The following VWA3B variants were observed in gnomAD, a reference collection of about 807,000 sequenced individuals.
VWA3B encodes the protein von Willebrand factor A domain-containing protein 3B.
VWA3B carries 138 observed loss-of-function variants against 158.3 expected under a neutral mutation model. The ratio of observed to expected loss-of-function variants is 0.87; its 90% CI spans 0.76 to 1.00. The LOEUF (loss-of-function observed/expected upper bound fraction) is 1.00, where lower values mean the gene tolerates loss of function less well. Among genes scored for constraint, VWA3B ranks in the 50% least tolerant of loss-of-function variants. VWA3B has a pLI of 0.00. For synonymous variants in VWA3B, 596 were observed against 587.3 expected (o/e 1.01, Z -0.21); for missense variants, 1,555 against 1,565.1 (o/e 0.99, Z 0.11).
At chr2:98,235,561 G>C (rs1277490627) in intron 17 of VWA3B, among the ~76,000 whole-genome samples, 3 of 152,054 alleles carry the variant, frequency 2.0e-5, no homozygotes, top group Admixed American at 1.3e-4. Context: ...GAGTAGCTGG[G>C]ATTACAGGCA....
At chr2:98,183,940 C>T (rs1051758189) in intron 9 of VWA3B, among the ~76,000 whole-genome samples, 4 of 152,210 alleles carry the variant, frequency 2.6e-5, no homozygotes, top group Non-Finnish European at 5.9e-5. Context: ...GCACTACAAA[C>T]ATTGTGAGTC....
chr2:98,122,568 C>G (rs1013799975), intron 5 of VWA3B, among the ~76,000 whole-genome samples: 1 of 152,172 alleles, frequency 6.6e-6, no homozygotes, highest in African/African-American at 2.4e-5. Context: ...GTTTTAACAT[C>G]TGTAAAATTT....
intron 7 of VWA3B, among the ~76,000 whole-genome samples, chr2:98,149,946 C>G (rs1328285322): frequency 1.3e-5 from 2 of 152,162 alleles, no homozygotes; most frequent in African/African-American, 4.8e-5. Context: ...ATGTTTGATA[C>G]TCATTGGTAA....
chr2:98,303,328 T>C (rs960848382), intron 25 of VWA3B, among the ~76,000 whole-genome samples: 1 of 151,916 alleles, frequency 6.6e-6, no homozygotes, highest in Non-Finnish European at 1.5e-5. Context: ...TGATAGGGAC[T>C]TGGGGAGACC....
chr2:98,177,083 G>A (rs1047843784), intron 8 of VWA3B, among the ~76,000 whole-genome samples: 1 of 152,200 alleles, frequency 6.6e-6, no homozygotes, highest in African/African-American at 2.4e-5. Flanking sequence ...TGAACCTGGA[G>A]GGTGGGTGGA....
chr2:98,130,225 T>C (rs1447119391), intron 6 of VWA3B, among the ~76,000 whole-genome samples: 3 of 152,230 alleles, frequency 2.0e-5, no homozygotes, highest in Admixed American at 6.5e-5. Context: ...AGAGCAGTAT[T>C]GCTGCCAGCT....
rs147604170 is a variant in VWA3B, at chr2:98,278,550, A to AGCTAGAAAGGGGATGGAGT, written c.3045+7669_3045+7687dup. 6.7e-3 allele frequency among the ~76,000 whole-genome samples: 1,019 copies of AGCTAGAAAGGGGATGGAGT among 152,202 alleles called. 8 individuals are homozygous for AGCTAGAAAGGGGATGGAGT. Among genetic ancestry groups the AGCTAGAAAGGGGATGGAGT allele is most frequent in the African/African-American group, 0.023 (943 of 41,496 alleles). On this transcript the variant is annotated intron_variant, in intron 22 of 27. Coordinates refer to ENST00000477737, the MANE Select transcript of VWA3B (RefSeq NM_144992.5). ...GAAAGTGACTCTCAGCAGGATGGAG[A>AGCTAGAAAGGGGATGGAGT]GCTAGAAAGGGGATGGAGTGGGAAG...
chr2:98,268,313 C>CCAG (rs1687978752), intron 21 of VWA3B, among the ~76,000 whole-genome samples: 1 of 152,016 alleles, frequency 6.6e-6, no homozygotes, highest in African/African-American at 2.4e-5. Context: ...CAAAATGAAT[C>CCAG]CAGCAGCACA....
chr2:98,120,679 G>A (rs1674888279), intron 4 of VWA3B, among the ~76,000 whole-genome samples: 1 of 152,202 alleles, frequency 6.6e-6, no homozygotes, highest in Non-Finnish European at 1.5e-5. Flanking sequence ...CAAATAAATT[G>A]AGATAATTCA....
At position 98,107,765 on chromosome 2, in the gene VWA3B, T is replaced by C. The variant is rs574397067; in HGVS notation, c.197-7887T>C. On this transcript the variant is annotated intron_variant, in intron 2 of 27. Coordinates refer to ENST00000477737, the MANE Select transcript of VWA3B (RefSeq NM_144992.5). ...TTTATACCTTCTCTCTTTTTATCTT[T>C]GTCAGTCTTACTAGTGGTTTGTCAG... Among the ~76,000 whole-genome samples the C allele has an allele frequency of 3.9e-5, 6 of 152,216 alleles. No individual in the cohort carries two copies. In the South Asian group the frequency reaches 1.2e-3, roughly 32 times the overall value.
chr2:98,201,684 T>C (rs1484134563), intron 12 of VWA3B, among the ~76,000 whole-genome samples: 1 of 152,190 alleles, frequency 6.6e-6, no homozygotes, highest in Non-Finnish European at 1.5e-5. Flanking sequence ...CTTGGTTTTT[T>C]GAGGATTGTT....
chr2:98,221,921 G>A (rs1420670890), intron 14 of VWA3B, among the ~76,000 whole-genome samples: 1 of 152,094 alleles, frequency 6.6e-6, no homozygotes, highest in African/African-American at 2.4e-5. Flanking sequence ...CCTCTACAAA[G>A]ACCCATTATC....
In VWA3B at chr2:98,187,420, G is replaced by A. The variant is rs539417081; in HGVS notation, c.1312-555G>A. On this transcript the variant is annotated intron_variant, in intron 9 of 27. Coordinates refer to ENST00000477737, the MANE Select transcript of VWA3B (RefSeq NM_144992.5). ...AGGTCCACTGAGGAGGGCTCGCTCC[G>A]TCTGTCTCAGTGGAGGGCGCTAGAT... Among the ~76,000 whole-genome samples the A allele has an allele frequency of 1.5e-3, 226 of 152,112 alleles. 2 individuals carry two copies. The highest frequency in any genetic ancestry group is 0.012 in the Admixed American group (187 of 15,288).
In VWA3B at chr2:98,093,044, T is replaced by C. The variant is rs762419192; in HGVS notation, c.-32-17T>C. Reference sequence around the variant, plus strand: ...TCCAAGTTTTTAGGAAGTCTGAGTTTATGATTGCCCTTACAGGAGTTTGCT... The same window carrying C: ...TCCAAGTTTTTAGGAAGTCTGAGTTCATGATTGCCCTTACAGGAGTTTGCT... On this transcript the variant is annotated splice_polypyrimidine_tract_variant and intron_variant, in intron 1 of 27. Transcript: ENST00000477737. 3 of 1,573,998 alleles carry C rather than the reference T, an allele frequency of 1.9e-6. No homozygotes were observed. The highest frequency in any genetic ancestry group is 1.8e-5 in the Admixed American group (1 of 55,856).
rs546622410 is a variant in VWA3B at position 98,216,988 on chromosome 2, C to CCCCT, written c.1837-856_1837-855insCTCC. On this transcript the variant is annotated intron_variant, in intron 13 of 27. Transcript: ENST00000477737. ...CATGTGTATCATTGTAAGCACCCGC[C>CCCCT]CCGCACCCAGTCTCAGGTGGTCCCT... is the stretch of plus-strand genomic sequence containing the variant. 7.0e-3 allele frequency: 8,734 copies of CCCCT among 1,250,494 alleles called. 90 individuals are homozygous for CCCCT. Among genetic ancestry groups the CCCCT allele is most frequent in the Non-Finnish European group, 8.1e-3 (7,786 of 957,872 alleles). 77.5% of individuals were successfully genotyped at this position (1,250,494 alleles called of 1,614,324 possible).
At chr2:98,226,095 A>G (rs546271581) in intron 14 of VWA3B, among the ~76,000 whole-genome samples, 2 of 152,362 alleles carry the variant, frequency 1.3e-5, no homozygotes, top group South Asian at 2.1e-4. Flanking sequence ...TGAAATTTAT[A>G]TGACAAGTCA....
intron 13 of VWA3B, chr2:98,217,041 T>A: frequency 8.3e-7 from 1 of 1,203,514 alleles, no homozygotes; most frequent in Non-Finnish European, 1.1e-6. Context: ...GATGTTCAAG[T>A]GCCCCAGGAT....
chr2:98,203,783 C>T (rs1264556560), intron 12 of VWA3B, among the ~76,000 whole-genome samples: 2 of 152,128 alleles, frequency 1.3e-5, no homozygotes, highest in Admixed American at 1.3e-4. Context: ...ATCTTTTGAC[C>T]TTAGTAGGCT....
rs549609559 is a variant in VWA3B, at chr2:98,161,259, G to A, written c.989-1592G>A. ...GATACACTCCCTTGCTCCTTAGGCT[G>A]TAGCCCCAATTTTACTTAGGGTTGC... On this transcript the variant is annotated intron_variant, in intron 7 of 27. Transcript: ENST00000477737. Among the ~76,000 whole-genome samples, 5 of 152,360 alleles carry A rather than the reference G, an allele frequency of 3.3e-5. No individual in the cohort carries two copies. In the South Asian group the frequency reaches 1.0e-3, roughly 32 times the overall value.
Sources: allele counts gnomAD v4.1 joint callset (sites outside exome capture counted in the v4.1 genomes callset), GRCh38; gene constraint gnomAD v4.1.1; transcripts MANE v1.5; gene names NCBI Gene and HGNC (gene_info 2026-07-23, HGNC 2026-07-21).